Variants in RUFY3 observed in about 807,000 individuals in gnomAD.
RUFY3 encodes the protein protein RUFY3.
A neutral mutation model predicts 84.0 loss-of-function variants in RUFY3; 34 were observed. The observed-to-expected ratio is 0.40, with a 90% CI of 0.31 to 0.54. The LOEUF (loss-of-function observed/expected upper bound fraction) is 0.54, where lower values mean the gene tolerates loss of function less well. Among genes scored for constraint, RUFY3 ranks in the 20% least tolerant of loss-of-function variants. RUFY3 has a pLI of 0.39. For synonymous variants in RUFY3, 242 were observed against 252.9 expected, an observed-to-expected ratio of 0.96 and a Z score of 0.41; for missense variants, 507 against 736.8, an observed-to-expected ratio of 0.69 and a Z score of 3.61.
Position 70,784,843 on chromosome 4 carries a change from A to C in RUFY3, c.1035A>C (p.Ala345=). 1.2e-6 allele frequency: 2 copies of C among 1,607,766 alleles called. No individual in the cohort carries two copies. The highest frequency in any genetic ancestry group is 1.7e-6 in the Non-Finnish European group (2 of 1,177,340). The change falls in exon 10 of 18, where the codon GCA becomes GCC. Residue 345 remains alanine, a synonymous_variant. Transcript: ENST00000381006. ...RTAEGQALSE[A]RKHLKEETQL... Reference sequence around the variant, plus strand: ...CAGAAGGGCAAGCACTAAGTGAAGCAAGAAAGCATTTAAAAGAAGAGACAC... The same window carrying C: ...CAGAAGGGCAAGCACTAAGTGAAGCCAGAAAGCATTTAAAAGAAGAGACAC...
intron 1 of RUFY3, among the ~76,000 whole-genome samples, chr4:70,727,302 G>A (rs1410815638): frequency 6.8e-6 from 1 of 147,590 alleles, no homozygotes; most frequent in Non-Finnish European, 1.5e-5. Context: ...ATTTCTTGGA[G>A]TAACATTCTC....
At chr4:70,728,611 G>C (rs961785071) in intron 1 of RUFY3, among the ~76,000 whole-genome samples, 1 of 152,192 alleles carries the variant, frequency 6.6e-6, no homozygotes, top group Non-Finnish European at 1.5e-5. Context: ...GTTTCAGACA[G>C]ATTTTTTTAA....
At position 70,807,059 on chromosome 4, in the gene RUFY3, G is replaced by C. The variant is rs1383486669; in HGVS notation, c.*400G>C. 1 of 154,662 alleles carries C rather than the reference G, an allele frequency of 6.5e-6. No homozygotes were observed. Among genetic ancestry groups the C allele is most frequent in the Admixed American group, 6.5e-5 (1 of 15,430 alleles). The allele number at this position is 154,662 out of a possible 1,614,324, so 9.6% of individuals were successfully genotyped here. ...ATAGCATTTGCAGATTCAAGGGGGA[G>C]AGGTAGATGCTGAGATCAAAATGAC... On this transcript the variant is annotated 3_prime_UTR_variant, in exon 18 of 18. Transcript: ENST00000381006.
At chr4:70,770,259 C>T (rs1471752629) in intron 5 of RUFY3, among the ~76,000 whole-genome samples, 2 of 152,226 alleles carry the variant, frequency 1.3e-5, no homozygotes, top group Non-Finnish European at 2.9e-5. Context: ...GAGAGTCAGT[C>T]TGTCCTTTGC....
At chr4:70,799,779 T>C (rs1732001349) in intron 14 of RUFY3, 2 of 221,166 alleles carry the variant, frequency 9.0e-6, no homozygotes, top group South Asian at 7.3e-5. Flanking sequence ...ATGGCCATCC[T>C]TGGTTTTACC....
chr4:70,705,035 T>A (rs1740098684), exon 1 of RUFY3: 1 of 1,222,830 alleles, frequency 8.2e-7, no homozygotes, highest in South Asian at 3.8e-5. Flanking sequence ...CGCGCCGCGC[T>A]CCCGCCGGGG....
At chr4:70,709,421 C>T (rs1369921151) in intron 1 of RUFY3, among the ~76,000 whole-genome samples, 1 of 152,206 alleles carries the variant, frequency 6.6e-6, no homozygotes, top group Non-Finnish European at 1.5e-5. Context: ...CTCCAGCACC[C>T]TCTCCCCGGT....
chr4:70,733,534 C>T lies in RUFY3; in HGVS notation c.178+10783C>T, dbSNP rs371232056. On this transcript the variant is annotated intron_variant, in intron 1 of 17. Coordinates refer to ENST00000381006, the MANE Select transcript of RUFY3 (RefSeq NM_001037442.4). ...TACAAACAAAAAGTTTATGTATGTACTGTATATTTATCACGGTATTCTGAC... is the reference window on the plus strand; with the variant it reads ...TACAAACAAAAAGTTTATGTATGTATTGTATATTTATCACGGTATTCTGAC... 2.0e-5 allele frequency among the ~76,000 whole-genome samples: 3 copies of T among 152,108 alleles called. No homozygotes were observed. The East Asian group carries it at 5.8e-4, about 29-fold the overall frequency.
At chr4:70,738,352 T>C (rs1720737885) in intron 1 of RUFY3, among the ~76,000 whole-genome samples, 1 of 147,002 alleles carries the variant, frequency 6.8e-6, no homozygotes, top group Non-Finnish European at 1.5e-5. Flanking sequence ...TATGGGTGTT[T>C]CATCTTTTTT....
At chr4:70,792,301 G>A in intron 12 of RUFY3, 1 of 979,714 alleles carries the variant, frequency 1.0e-6, no homozygotes, top group Non-Finnish European at 1.2e-6. Context: ...TTTGCTAAAG[G>A]TTCTGGGAAG....
chr4:70,776,683 G>C (rs942666959), intron 7 of RUFY3, among the ~76,000 whole-genome samples: 7 of 152,232 alleles, frequency 4.6e-5, no homozygotes, highest in African/African-American at 1.4e-4. Context: ...GGCTGAGGCA[G>C]GAGAACGGCG....
Position 70,741,282 on chromosome 4 carries a change from G to C in RUFY3, c.178+18531G>C, listed in dbSNP as rs183557127. Among the ~76,000 whole-genome samples the C allele has an allele frequency of 4.6e-5, 7 of 152,088 alleles. No homozygotes were observed. The East Asian group carries it at 1.4e-3, about 29-fold the overall frequency. On this transcript the variant is annotated intron_variant, in intron 1 of 17. Transcript: ENST00000381006. ...AGTGATCAAAATAATAGTTGAGTTAGATTAATGTCGCCTACACTTAGAATA... is the reference window on the plus strand; with the variant it reads ...AGTGATCAAAATAATAGTTGAGTTACATTAATGTCGCCTACACTTAGAATA...
At chr4:70,705,778 G>T (rs1577864495) in intron 1 of RUFY3, among the ~76,000 whole-genome samples, 2 of 152,312 alleles carry the variant, frequency 1.3e-5, no homozygotes, top group African/African-American at 4.8e-5. Context: ...AGCTGAGTAG[G>T]TGTGGCTGCT....
intron 1 of RUFY3, 93 bp downstream of exon 1, chr4:70,722,844 C>T: frequency 8.1e-7 from 1 of 1,233,234 alleles, no homozygotes; most frequent in Non-Finnish European, 1.1e-6. Context: ...AAAGAACCTA[C>T]ACTCTCAACT....
chr4:70,741,580 G>A, intron 1 of RUFY3: 2 of 1,475,228 alleles, frequency 1.4e-6, no homozygotes, highest in East Asian at 2.5e-5. Context: ...TTCTGGGCTT[G>A]CATGACATTT....
intron 1 of RUFY3, among the ~76,000 whole-genome samples, chr4:70,710,545 C>A (rs1488614465): frequency 6.6e-6 from 1 of 151,996 alleles, no homozygotes; most frequent in Non-Finnish European, 1.5e-5. Context: ...TGACGCACAC[C>A]TGTGATCCCA....
chr4:70,732,849 GTATACCTA>G (rs1719511634), intron 1 of RUFY3, among the ~76,000 whole-genome samples: 2 of 151,934 alleles, frequency 1.3e-5, no homozygotes, highest in African/African-American at 4.8e-5. Flanking sequence ...CATGGCACAT[GTATACCTA>G]TGTAACAAAC....
At chr4:70,782,500 G>A (rs1178195468) in intron 8 of RUFY3, among the ~76,000 whole-genome samples, 3 of 151,780 alleles carry the variant, frequency 2.0e-5, no homozygotes, top group Non-Finnish European at 4.4e-5. Context: ...GGCCAGGATG[G>A]TCTCGATCTC....
At chr4:70,712,618 A>G (rs182499312) in intron 1 of RUFY3, among the ~76,000 whole-genome samples, 25 of 152,338 alleles carry the variant, frequency 1.6e-4, no homozygotes, top group African/African-American at 5.8e-4. Context: ...TCAAGAAGCT[A>G]AGAGACCATA....
Sources: allele counts gnomAD v4.1 joint callset (sites outside exome capture counted in the v4.1 genomes callset), GRCh38; gene constraint gnomAD v4.1.1; transcripts MANE v1.5; gene names NCBI Gene and HGNC (gene_info 2026-07-23, HGNC 2026-07-21).